The following EPHA5 variants were observed in gnomAD, a reference collection of about 807,000 sequenced individuals.
EPHA5 encodes EPH receptor A5.
EPHA5 carries 60 observed loss-of-function variants against 105.0 expected under a neutral mutation model. That is an observed-to-expected ratio of 0.57 (90% CI 0.46 to 0.71). EPHA5 has a LOEUF of 0.71. Among genes scored for constraint, EPHA5 ranks in the 30% least tolerant of loss-of-function variants. EPHA5 has a pLI of 0.00. For synonymous variants in EPHA5, 513 were observed against 449.1 expected, an observed-to-expected ratio of 1.14 and a Z score of -1.80; for missense variants, 1,218 against 1,274.7, an observed-to-expected ratio of 0.96 and a Z score of 0.68.
intron 3 of EPHA5, among the ~76,000 whole-genome samples, chr4:65,526,903 A>C (rs1371277321): frequency 6.6e-6 from 1 of 152,134 alleles, no homozygotes; most frequent in African/African-American, 2.4e-5. Flanking sequence ...TCCAAATCAC[A>C]TTAACAGAAA....
In EPHA5 at chr4:65,446,282, G is replaced by A. The variant is rs181323351; in HGVS notation, c.1403-25717C>T. ...TAACTTTATATAATGACTAGAATTA[G>A]GTCTATTTGGAATAAAATCCTATCA... On this transcript the variant is annotated intron_variant, in intron 5 of 16. Coordinates refer to ENST00000613740, the MANE Select transcript of EPHA5 (RefSeq NM_001281766.3). Among the ~76,000 whole-genome samples, 55 of 151,906 alleles carry A rather than the reference G, an allele frequency of 3.6e-4. 1 individual carries two copies. Among genetic ancestry groups the A allele is most frequent in the Middle Eastern group, 3.4e-3 (1 of 294 alleles).
At chr4:65,435,044 C>T (rs927472264) in intron 5 of EPHA5, among the ~76,000 whole-genome samples, 9 of 151,982 alleles carry the variant, frequency 5.9e-5, no homozygotes, top group Admixed American at 5.2e-4. Context: ...TTATGGTACA[C>T]ATAAGGATAG....
intron 3 of EPHA5, among the ~76,000 whole-genome samples, chr4:65,526,675 G>T (rs1483125356): frequency 6.6e-6 from 1 of 151,834 alleles, no homozygotes; most frequent in Non-Finnish European, 1.5e-5. Context: ...AATTAAGCCT[G>T]ATCTCTGACA....
intron 2 of EPHA5, among the ~76,000 whole-genome samples, chr4:65,632,811 C>T (rs919276102): frequency 4.0e-5 from 6 of 151,898 alleles, no homozygotes; most frequent in Admixed American, 1.3e-4. Context: ...ATCCACACTT[C>T]TGGGTGGTAA....
chr4:65,365,105 C>G lies in EPHA5; in HGVS notation c.2085G>C (p.Lys695Asn). Residue 695 changes from lysine to asparagine, a missense_variant, in exon 11 of 17, where the codon AAG (lysine) becomes AAC (asparagine). Transcript: ENST00000613740. ...CTTCACCTAGGAAATCTCTGCGTTGCTTTTCAGTATAGCCTACTTTAAGGG... is the reference window on the plus strand; with the variant it reads ...CTTCACCTAGGAAATCTCTGCGTTGGTTTTCAGTATAGCCTACTTTAAGGG... ...IKTLKVGYTE[K>N]QRRDFLGEAS... is the part of the protein sequence containing the mutation. 6.2e-7 allele frequency: 1 copy of G among 1,611,902 alleles called. No individual in the cohort carries two copies. The highest frequency in any genetic ancestry group is 8.5e-7 in the Non-Finnish European group (1 of 1,178,522).
chr4:65,546,087 A>G (rs764865478), intron 3 of EPHA5, among the ~76,000 whole-genome samples: 2 of 152,010 alleles, frequency 1.3e-5, no homozygotes, highest in Non-Finnish European at 2.9e-5. Context: ...TGTATTTGAC[A>G]CATGTGCTTT....
intron 5 of EPHA5, among the ~76,000 whole-genome samples, chr4:65,429,453 AGACT>A (rs148263697): frequency 0.14 from 20,520 of 151,978 alleles, 1,680 homozygotes; most frequent in East Asian, 0.31. Flanking sequence ...TGGCAACCAC[AGACT>A]AAGTCACTAA....
In EPHA5 at chr4:65,360,715, C is replaced by A. The variant is rs181679843; in HGVS notation, c.2173+4302G>T. Among the ~76,000 whole-genome samples the A allele has an allele frequency of 3.2e-3, 483 of 151,318 alleles. 1 individual carries two copies. The highest frequency in any genetic ancestry group is 5.0e-3 in the Admixed American group (76 of 15,076). The stretch of plus-strand genomic sequence containing the variant: ...TAATTTTATTATTTTTCTTAAAAGC[C>A]CATGGTTTTATATAATTAAGTTTTT... On this transcript the variant is annotated intron_variant, in intron 11 of 16. Coordinates refer to ENST00000613740, the MANE Select transcript of EPHA5 (RefSeq NM_001281766.3).
chr4:65,622,972 T>A (rs376065969), intron 2 of EPHA5, among the ~76,000 whole-genome samples: 1 of 152,106 alleles, frequency 6.6e-6, no homozygotes, highest in Non-Finnish European at 1.5e-5. Context: ...AACATTAAAG[T>A]TTAAGAGCAT....
chr4:65,518,540 A>ACT (rs1221055057), intron 3 of EPHA5, among the ~76,000 whole-genome samples: 1 of 152,026 alleles, frequency 6.6e-6, no homozygotes, highest in Non-Finnish European at 1.5e-5. Context: ...CAGTATAAAC[A>ACT]TTGACTGAAC....
At chr4:65,337,770 A>C (rs1445448199) in intron 14 of EPHA5, among the ~76,000 whole-genome samples, 4 of 152,102 alleles carry the variant, frequency 2.6e-5, no homozygotes, top group Non-Finnish European at 5.9e-5. Context: ...AAGGGTCATC[A>C]GCACTTGGCC....
intron 8 of EPHA5, among the ~76,000 whole-genome samples, chr4:65,386,863 A>T (rs1720144055): frequency 6.6e-6 from 1 of 151,928 alleles, no homozygotes; most frequent in Non-Finnish European, 1.5e-5. Context: ...TTAAAATAAG[A>T]ATTAAGAAAT....
chr4:65,333,808 C>A lies in EPHA5; in HGVS notation c.2790-1680G>T, dbSNP rs534680405. 3.3e-5 allele frequency among the ~76,000 whole-genome samples: 5 copies of A among 151,582 alleles called. No individual in the cohort carries two copies. In the South Asian group the frequency reaches 1.0e-3, roughly 32 times the overall value. On this transcript the variant is annotated intron_variant, in intron 15 of 16. Transcript: ENST00000613740. ...ATATCCATATGCCTATTTTGTACCTCCATATTTCTCAGAGAAATACGGCCC... is the reference window on the plus strand; with the variant it reads ...ATATCCATATGCCTATTTTGTACCTACATATTTCTCAGAGAAATACGGCCC...
At chr4:65,528,859 A>G (rs780305764) in intron 3 of EPHA5, among the ~76,000 whole-genome samples, 19 of 152,166 alleles carry the variant, frequency 1.2e-4, no homozygotes, top group Non-Finnish European at 2.1e-4. Context: ...CGGAAATAAT[A>G]TACTGTCAAG....
chr4:65,572,070 TA>T (rs1339114103), intron 3 of EPHA5, among the ~76,000 whole-genome samples: 4 of 152,088 alleles, frequency 2.6e-5, no homozygotes, highest in Admixed American at 2.6e-4. Context: ...ATGAAGGGGT[TA>T]AGATATTCTT....
chr4:65,547,783 A>G (rs1737524780), intron 3 of EPHA5, among the ~76,000 whole-genome samples: 1 of 151,992 alleles, frequency 6.6e-6, no homozygotes, highest in Admixed American at 6.6e-5. Context: ...GGGCCACTCA[A>G]TGACAGGGGC....
At chr4:65,426,102 A>G (rs796828535) in intron 5 of EPHA5, among the ~76,000 whole-genome samples, 10 of 152,210 alleles carry the variant, frequency 6.6e-5, no homozygotes, top group African/African-American at 2.4e-4. Flanking sequence ...GTTATTGTTC[A>G]TGCTGTAATT....
intron 5 of EPHA5, among the ~76,000 whole-genome samples, chr4:65,484,710 A>G (rs1730710219): frequency 6.6e-6 from 1 of 152,204 alleles, no homozygotes; most frequent in Non-Finnish European, 1.5e-5. Flanking sequence ...ATACATGTAT[A>G]TATATTAAAA....
chr4:65,515,661 GTTATA>G (rs1180295921), intron 3 of EPHA5, among the ~76,000 whole-genome samples: 4 of 151,980 alleles, frequency 2.6e-5, no homozygotes, highest in Non-Finnish European at 5.9e-5. Flanking sequence ...AATCTATTTT[GTTATA>G]TTATACTTAC....
Sources: gnomAD v4.1 joint callset for allele counts (sites outside exome capture counted in the v4.1 genomes callset) on GRCh38, gnomAD v4.1.1 for gene constraint, MANE v1.5 for transcripts, NCBI Gene and HGNC (gene_info 2026-07-23, HGNC 2026-07-21) for gene names.